Variants in METTL25 observed in about 807,000 individuals in gnomAD.
METTL25 encodes the protein methyltransferase like 25, also known as probable methyltransferase-like protein 25.
A neutral mutation model predicts 71.6 loss-of-function variants in METTL25; 64 were observed. That is an observed-to-expected ratio of 0.89 (90% confidence interval 0.73 to 1.10). METTL25 has a LOEUF of 1.10. METTL25 is among the 50% of genes least tolerant of loss of function. METTL25 has a pLI of 0.00. For synonymous variants in METTL25, 287 were observed against 250.3 expected (o/e 1.15, Z -1.38); for missense variants, 807 against 707.0 (o/e 1.14, Z -1.60).
At chr12:82,371,947 C>T (rs1047687234) in intron 1 of METTL25, among the ~76,000 whole-genome samples, 1 of 152,186 alleles carries the variant, frequency 6.6e-6, no homozygotes, top group African/African-American at 2.4e-5. Context: ...GAGTCTATAT[C>T]CCAGTGGATC....
intron 1 of METTL25, among the ~76,000 whole-genome samples, chr12:82,362,997 C>T (rs1315602743): frequency 6.6e-6 from 1 of 152,142 alleles, no homozygotes; most frequent in Non-Finnish European, 1.5e-5. Flanking sequence ...TAGAGATGCT[C>T]CTAGCCCCTG....
chr12:82,415,209 A>G (rs114455703), intron 5 of METTL25, among the ~76,000 whole-genome samples: 2,855 of 152,208 alleles, frequency 0.019, 86 homozygotes, highest in African/African-American at 0.065. Flanking sequence ...TTTAATGTAG[A>G]TATGACTCCA....
chr12:82,370,727 T>C (rs1883136957), intron 1 of METTL25, among the ~76,000 whole-genome samples: 1 of 152,112 alleles, frequency 6.6e-6, no homozygotes, highest in Non-Finnish European at 1.5e-5. Flanking sequence ...TTTGACTCCT[T>C]CTTTGTCTCT....
chr12:82,444,997 G>C (rs1421837962), intron 8 of METTL25, among the ~76,000 whole-genome samples: 1 of 152,078 alleles, frequency 6.6e-6, no homozygotes, highest in African/African-American at 2.4e-5. Context: ...TAACAGCAAA[G>C]TGTATAACAT....
chr12:82,376,329 G>C (rs1450647803), intron 1 of METTL25, among the ~76,000 whole-genome samples: 2 of 151,960 alleles, frequency 1.3e-5, no homozygotes, highest in Non-Finnish European at 2.9e-5. Context: ...CTCAATCATT[G>C]TATTGCTTTC....
chr12:82,423,338 T>C (rs899975830), intron 5 of METTL25, among the ~76,000 whole-genome samples: 2 of 152,190 alleles, frequency 1.3e-5, no homozygotes, highest in Admixed American at 6.5e-5. Context: ...TGGCTAGCCA[T>C]ATGTAGAAAG....
At chr12:82,384,331 A>C (rs898571322) in intron 1 of METTL25, among the ~76,000 whole-genome samples, 1 of 151,912 alleles carries the variant, frequency 6.6e-6, no homozygotes, top group African/African-American at 2.4e-5. Flanking sequence ...TAACTTTCTC[A>C]CATAACTGTT....
At chr12:82,407,109 A>G (rs1208084712) in intron 5 of METTL25, among the ~76,000 whole-genome samples, 1 of 152,176 alleles carries the variant, frequency 6.6e-6, no homozygotes, top group African/African-American at 2.4e-5. Context: ...AGATTACTCC[A>G]TAATCTGTTT....
At chr12:82,442,050 G>A (rs1307059029) in intron 8 of METTL25, among the ~76,000 whole-genome samples, 1 of 151,976 alleles carries the variant, frequency 6.6e-6, no homozygotes, top group African/African-American at 2.4e-5. Flanking sequence ...TGAGAGGCCT[G>A]CACTTCCTAC....
chr12:82,477,454 A>T lies in METTL25; in HGVS notation c.1719+102A>T, dbSNP rs116153265. 1.1e-3 allele frequency: 552 copies of T among 519,874 alleles called. 3 individuals are homozygous for T. Among genetic ancestry groups the T allele is most frequent in the African/African-American group, 9.6e-3 (483 of 50,292 alleles). 32.2% of individuals were successfully genotyped at this position (519,874 alleles called of 1,614,324 possible). A position where few individuals can be genotyped will look rare whatever the true frequency, so the allele number is the denominator to read the frequency against. ...AAGAGTCTTTCACATAAAACTAGTA[A>T]GAAAATTTTTCTCATTATATTTTCA... On this transcript the variant is annotated intron_variant, in intron 11 of 11. Coordinates refer to ENST00000248306, the MANE Select transcript of METTL25 (RefSeq NM_032230.3).
chr12:82,394,434 A>G (rs902137708), intron 3 of METTL25, among the ~76,000 whole-genome samples: 28 of 152,038 alleles, frequency 1.8e-4, no homozygotes, highest in Non-Finnish European at 8.8e-5. Context: ...TACCTCAGCC[A>G]TATTGCTCCC....
chr12:82,470,865 A>G (rs1892531495), intron 9 of METTL25, among the ~76,000 whole-genome samples: 1 of 152,204 alleles, frequency 6.6e-6, no homozygotes, highest in Non-Finnish European at 1.5e-5. Flanking sequence ...TGCGAGGGCT[A>G]GGTTTGTCAG....
intron 1 of METTL25, among the ~76,000 whole-genome samples, chr12:82,377,699 A>T (rs1884014810): frequency 6.6e-6 from 1 of 152,194 alleles, no homozygotes; most frequent in Admixed American, 6.5e-5. Context: ...AAAACAGTTA[A>T]TTGAATTGTT....
chr12:82,449,135 T>G (rs1037542126), intron 8 of METTL25, among the ~76,000 whole-genome samples: 1 of 152,218 alleles, frequency 6.6e-6, no homozygotes, highest in Non-Finnish European at 1.5e-5. Context: ...CATTCACTTT[T>G]ATTAAAAGAA....
At chr12:82,409,591 G>A (rs751794245) in intron 5 of METTL25, among the ~76,000 whole-genome samples, 4 of 152,034 alleles carry the variant, frequency 2.6e-5, no homozygotes, top group Non-Finnish European at 4.4e-5. Context: ...GCTACTGGGA[G>A]CAACTCTTGC....
At chr12:82,413,207 A>G (rs930601789) in intron 5 of METTL25, among the ~76,000 whole-genome samples, 1 of 152,022 alleles carries the variant, frequency 6.6e-6, no homozygotes, top group Non-Finnish European at 1.5e-5. Flanking sequence ...CTTTGAAATG[A>G]TGAGAACATA....
chr12:82,458,631 A>G (rs151139588), intron 9 of METTL25, among the ~76,000 whole-genome samples: 1 of 150,576 alleles, frequency 6.6e-6, no homozygotes, highest in Non-Finnish European at 1.5e-5. Context: ...AATAGTGGAG[A>G]AAAAAAAAAT....
At chr12:82,384,916 G>A (rs1884821607) in intron 1 of METTL25, among the ~76,000 whole-genome samples, 1 of 151,960 alleles carries the variant, frequency 6.6e-6, no homozygotes, top group African/African-American at 2.4e-5. Flanking sequence ...TGGAGCTTGG[G>A]GATGTTGAGA....
chr12:82,405,587 C>T (rs1307132281), intron 5 of METTL25, among the ~76,000 whole-genome samples: 2 of 152,192 alleles, frequency 1.3e-5, no homozygotes, highest in East Asian at 1.9e-4. Context: ...CTTTCCAGTA[C>T]GTTTTCTAAT....
Sources: gnomAD v4.1 joint callset for allele counts (sites outside exome capture counted in the v4.1 genomes callset) on GRCh38, gnomAD v4.1.1 for gene constraint, MANE v1.5 for transcripts, NCBI Gene and HGNC (gene_info 2026-07-23, HGNC 2026-07-21) for gene names.